ARK2N: variants seen among roughly 807,000 people sequenced by gnomAD.
The protein encoded by ARK2N is protein ARK2N.
chr18:46,243,103 C>G, the ARK2N span, among the ~76,000 whole-genome samples: 1 of 152,028 alleles, frequency 6.6e-6, no homozygotes, highest in Non-Finnish European at 1.5e-5. Context: ...TTTCTTAAAT[C>G]TGACAATACT....
the ARK2N span, chr18:46,265,251 A>AT: frequency 6.6e-6 from 1 of 152,556 alleles, no homozygotes; most frequent in Non-Finnish European, 1.5e-5. Flanking sequence ...TTTGCAGCTT[A>AT]TTTTTTCCCC....
chr18:46,195,726 C>T, the ARK2N span, among the ~76,000 whole-genome samples: 1 of 151,682 alleles, frequency 6.6e-6, no homozygotes, highest in Admixed American at 6.6e-5. Flanking sequence ...CAAGTGTGTG[C>T]CACCACACCT....
the ARK2N span, among the ~76,000 whole-genome samples, chr18:46,213,713 TTG>T: frequency 6.6e-6 from 1 of 152,190 alleles, no homozygotes; most frequent in African/African-American, 2.4e-5. Context: ...ATTTATTTTT[TTG>T]AGATGGAGTC....
At chr18:46,205,412 G>T in the ARK2N span, among the ~76,000 whole-genome samples, 1 of 152,110 alleles carries the variant, frequency 6.6e-6, no homozygotes, top group African/African-American at 2.4e-5. Flanking sequence ...CATTAATCAT[G>T]GTCCTTTCTT....
chr18:46,241,095 G>A, the ARK2N span, among the ~76,000 whole-genome samples: 2 of 152,110 alleles, frequency 1.3e-5, no homozygotes, highest in African/African-American at 4.8e-5. Flanking sequence ...TGAAAAATGA[G>A]TTTTACAAAA....
chr18:46,220,651 G>C, the ARK2N span, among the ~76,000 whole-genome samples: 1 of 152,090 alleles, frequency 6.6e-6, no homozygotes, highest in Admixed American at 6.6e-5. Flanking sequence ...ATTGCATTTT[G>C]AGCATTTAAC....
the ARK2N span, among the ~76,000 whole-genome samples, chr18:46,214,397 G>A: frequency 6.6e-6 from 1 of 152,130 alleles, no homozygotes; most frequent in Non-Finnish European, 1.5e-5. Context: ...TCCATATTTA[G>A]CATCCTCTTT....
chr18:46,242,047 G>A, the ARK2N span, among the ~76,000 whole-genome samples: 1 of 152,108 alleles, frequency 6.6e-6, no homozygotes, highest in African/African-American at 2.4e-5. Context: ...GACCTCAGAT[G>A]ATCCGCCTGC....
At chr18:46,216,275 C>G in the ARK2N span, 1 of 1,613,936 alleles carries the variant, frequency 6.2e-7, no homozygotes, top group Non-Finnish European at 8.5e-7. The surrounding 1 kb of genome is among the most constrained non-coding windows in gnomAD (Gnocchi z 4.3). Context: ...TCAGGAGTGT[C>G]TGGTGCCACA....
chr18:46,209,004 A>G, the ARK2N span, among the ~76,000 whole-genome samples: 1 of 152,218 alleles, frequency 6.6e-6, no homozygotes, highest in Admixed American at 6.5e-5. Flanking sequence ...AGATAGGTAC[A>G]AAATGAAAAT....
the ARK2N span, among the ~76,000 whole-genome samples, chr18:46,208,184 C>G: frequency 1.3e-5 from 2 of 152,162 alleles, no homozygotes; most frequent in African/African-American, 4.8e-5. Flanking sequence ...CTGGTTCTTT[C>G]ACTTTCCTAG....
chr18:46,261,454 A>C, the ARK2N span, among the ~76,000 whole-genome samples: 1 of 152,178 alleles, frequency 6.6e-6, no homozygotes, highest in African/African-American at 2.4e-5. Flanking sequence ...CTGCTTAGTA[A>C]AGGTAGTGTT....
the ARK2N span, among the ~76,000 whole-genome samples, chr18:46,192,552 G>C: frequency 6.6e-6 from 1 of 151,816 alleles, no homozygotes; most frequent in African/African-American, 2.4e-5. Flanking sequence ...ATTCCAGCCT[G>C]GCGACAGAGC....
At chr18:46,226,990 T>G in the ARK2N span, among the ~76,000 whole-genome samples, 1 of 151,938 alleles carries the variant, frequency 6.6e-6, no homozygotes, top group Non-Finnish European at 1.5e-5. Context: ...GTATTTTAAG[T>G]AGAGATGGGG....
At chr18:46,209,483 C>T in the ARK2N span, among the ~76,000 whole-genome samples, 1 of 152,100 alleles carries the variant, frequency 6.6e-6, no homozygotes, top group Non-Finnish European at 1.5e-5. Flanking sequence ...GCTTAAATTC[C>T]ATGGTTTAAC....
the ARK2N span, chr18:46,216,022 G>A: frequency 3.1e-6 from 5 of 1,614,084 alleles, no homozygotes; most frequent in South Asian, 4.4e-5. This position sits in a 1 kb window ranked among gnomAD's most constrained non-coding sequence, Gnocchi z 4.3. Flanking sequence ...TGGTGTAGCG[G>A]ATTCTACAGT....
chr18:46,189,212 CAAAAAAAAAAAAAAA>C, the ARK2N span, among the ~76,000 whole-genome samples: 1 of 86,906 alleles, frequency 1.2e-5, no homozygotes, highest in Non-Finnish European at 2.2e-5. Flanking sequence ...GAGACTGTCT[CAAAAAAAAAAAAAAA>C]AAAAAAAAAA....
chr18:46,185,788 A>T, the ARK2N span, among the ~76,000 whole-genome samples: 1 of 152,110 alleles, frequency 6.6e-6, no homozygotes, highest in Non-Finnish European at 1.5e-5. Context: ...GGAGTTTGAG[A>T]CCAGCCTGGC....
chr18:46,200,952 G>A, the ARK2N span, among the ~76,000 whole-genome samples: 9 of 150,108 alleles, frequency 6.0e-5, no homozygotes, highest in African/African-American at 9.8e-5. Flanking sequence ...GCACTACTAC[G>A]ATTTTGATTA....
Sources: gnomAD v4.1 joint callset for allele counts (sites outside exome capture counted in the v4.1 genomes callset) on GRCh38, gnomAD v4.1.1 for gene constraint, Gnocchi (gnomAD v3.1) non-coding constraint, MANE v1.5 for transcripts, NCBI Gene and HGNC (gene_info 2026-07-23, HGNC 2026-07-21) for gene names.